The following SMPD3 variants were observed in gnomAD, a reference collection of about 807,000 sequenced individuals.
SMPD3 encodes the protein sphingomyelin phosphodiesterase 3, also known as nSMase-2.
SMPD3 carries 21 observed loss-of-function variants against 55.7 expected under a neutral mutation model. The observed-to-expected ratio is 0.38, with a 90% CI of 0.27 to 0.54. The LOEUF is 0.54. Ranked by LOEUF, SMPD3 falls within the 20% of genes least tolerant of loss-of-function variation. The pLI, the probability that SMPD3 is intolerant of heterozygous loss-of-function variation, is 0.80. For synonymous variants in SMPD3, 457 were observed against 404.3 expected (o/e 1.13, Z -1.56); for missense variants, 842 against 899.6 (o/e 0.94, Z 0.82).
chr16:68,440,932 C>T (rs980901653), intron 1 of SMPD3, among the ~76,000 whole-genome samples: 4 of 152,234 alleles, frequency 2.6e-5, no homozygotes, highest in Non-Finnish European at 5.9e-5. Context: ...TTTGTTTATT[C>T]ATTGTATGCT....
intron 3 of SMPD3, chr16:68,369,435 T>C (rs888907471): frequency 3.3e-5 from 4 of 122,782 alleles, no homozygotes; most frequent in Non-Finnish European, 6.5e-5. Context: ...GATTGATCTG[T>C]GCAGAAGTGG....
chr16:68,432,679 G>T (rs1225152822), intron 1 of SMPD3, among the ~76,000 whole-genome samples: 1 of 152,202 alleles, frequency 6.6e-6, no homozygotes, highest in Non-Finnish European at 1.5e-5. Context: ...AAATCTCAGT[G>T]GGGGTGCAGA....
At position 68,358,862 on chromosome 16, in the gene SMPD3, G is replaced by C. The variant is rs553357082; in HGVS notation, c.*2344C>G. 6.7e-4 allele frequency: 103 copies of C among 152,644 alleles called. No individual in the cohort carries two copies. The highest frequency in any genetic ancestry group is 5.4e-4 in the Non-Finnish European group (37 of 68,054). 9.5% of individuals were successfully genotyped at this position (152,644 alleles called of 1,614,324 possible). A position where few individuals can be genotyped will look rare whatever the true frequency, so the allele number is the denominator to read the frequency against. ...AAAAATCAGTGGAAGGGCCTGGCCTGCACACAAGGCCCGGGAGTCCATAGG... is the reference window on the plus strand; with the variant it reads ...AAAAATCAGTGGAAGGGCCTGGCCTCCACACAAGGCCCGGGAGTCCATAGG... On this transcript the variant is annotated 3_prime_UTR_variant, in exon 9 of 9. Transcript: ENST00000219334.
chr16:68,412,960 C>T (rs1370600360), intron 1 of SMPD3, among the ~76,000 whole-genome samples: 1 of 152,206 alleles, frequency 6.6e-6, no homozygotes, highest in African/African-American at 2.4e-5. Context: ...CCTAACAATC[C>T]TACAAGTAAC....
chr16:68,415,105 A>C (rs1003380252), intron 1 of SMPD3, among the ~76,000 whole-genome samples: 4 of 152,168 alleles, frequency 2.6e-5, no homozygotes, highest in African/African-American at 9.7e-5. Flanking sequence ...TGGGCCATAA[A>C]CTGTGCCATT....
At chr16:68,443,598 C>T (rs780083095) in intron 1 of SMPD3, among the ~76,000 whole-genome samples, 3 of 152,096 alleles carry the variant, frequency 2.0e-5, no homozygotes, top group Non-Finnish European at 2.9e-5. Flanking sequence ...GGAAAGAAAC[C>T]CCTGGGCTAC....
intron 1 of SMPD3, among the ~76,000 whole-genome samples, chr16:68,430,465 G>A (rs1230812814): frequency 6.6e-6 from 1 of 152,190 alleles, no homozygotes; most frequent in Non-Finnish European, 1.5e-5. Flanking sequence ...GGCTGAGCAT[G>A]ACAGCTATTT....
Position 68,361,650 on chromosome 16 carries a change from C to G in SMPD3, c.1819G>C (p.Asp607His), listed in dbSNP as rs146233675. Residue 607 changes from aspartate (D) to histidine (H), a missense_variant, in exon 8 of 9, where the codon GAC (aspartate) becomes CAC (histidine). Physicochemically the swap from Asp to His is moderately conservative, Grantham distance 81. Transcript: ENST00000219334. Reference protein sequence around the residue: ...ELLKGNGRRIDYMLHAEEGLC... With the variant: ...ELLKGNGRRIHYMLHAEEGLC... Reference sequence around the variant, plus strand: ...CCCTCCTCTGCATGCAGCATGTAGTCGATGCGCCGGCCGTTGCCCTTCAGC... The same window carrying G: ...CCCTCCTCTGCATGCAGCATGTAGTGGATGCGCCGGCCGTTGCCCTTCAGC... 1 of 1,611,616 alleles carries G rather than the reference C, an allele frequency of 6.2e-7. No individual in the cohort carries two copies. The highest frequency in any genetic ancestry group is 1.3e-5 in the African/African-American group (1 of 74,916).
At chr16:68,398,675 T>G (rs1020851373) in intron 1 of SMPD3, among the ~76,000 whole-genome samples, 1 of 152,236 alleles carries the variant, frequency 6.6e-6, no homozygotes, top group East Asian at 1.9e-4. Flanking sequence ...TCAAAGTTGG[T>G]TTTTGGTTTG....
Position 68,427,414 on chromosome 16 carries a change from A to G in SMPD3, c.-269+20939T>C, listed in dbSNP as rs17688779. ...GAATAATGAATGCATCTAGTGAAAG[A>G]ATTGGGACCCTAAGACATCTGGAGG... On this transcript the variant is annotated intron_variant, in intron 1 of 8. Coordinates refer to ENST00000219334, the MANE Select transcript of SMPD3 (RefSeq NM_018667.4). Among the ~76,000 whole-genome samples the G allele has an allele frequency of 5.5e-3, 836 of 152,282 alleles. 6 individuals carry two copies. Among genetic ancestry groups the G allele is most frequent in the Non-Finnish European group, 9.3e-3 (633 of 68,018 alleles).
At position 68,371,864 on chromosome 16, in the gene SMPD3, G is replaced by A. The variant is rs768055037; in HGVS notation, c.318C>T (p.Ala106=). 2.4e-5 allele frequency: 38 copies of A among 1,606,728 alleles called. No individual in the cohort carries two copies. The highest frequency in any genetic ancestry group is 1.6e-4 in the Middle Eastern group (1 of 6,072). The part of the protein sequence containing the change: ...IYSRLEDKGL[A]GGAALLSEWK... ...ATTCACTGAGCAGGGCTGCCCCACC[G>A]GCCAGGCCCTTGTCTTCCAGCCGTG... The change falls in exon 3 of 9, where the codon GCC becomes GCT. Residue 106 remains alanine (A), a synonymous_variant. Coordinates refer to ENST00000219334, the MANE Select transcript of SMPD3 (RefSeq NM_018667.4).
intron 1 of SMPD3, among the ~76,000 whole-genome samples, chr16:68,441,284 G>A (rs988114760): frequency 1.3e-5 from 2 of 152,170 alleles, no homozygotes; most frequent in Non-Finnish European, 2.9e-5. Context: ...AGTTTATGCA[G>A]CCCAAATAGC....
At chr16:68,437,442 T>G (rs1321754960) in intron 1 of SMPD3, among the ~76,000 whole-genome samples, 1 of 152,254 alleles carries the variant, frequency 6.6e-6, no homozygotes, top group Non-Finnish European at 1.5e-5. Context: ...CATTTCCAAG[T>G]GTTTGTCATT....
chr16:68,414,440 G>C (rs527873648), intron 1 of SMPD3, among the ~76,000 whole-genome samples: 1 of 152,244 alleles, frequency 6.6e-6, no homozygotes, highest in Non-Finnish European at 1.5e-5. Context: ...GGCTCAGCCT[G>C]GTCTCTCCCA....
chr16:68,361,712 G>T lies in SMPD3; in HGVS notation c.1757C>A (p.Thr586Asn). The change falls in exon 8 of 9, where the codon ACC (threonine) becomes AAC (asparagine). Residue 586 changes from threonine (T) to asparagine (N), a missense_variant. Thr to Asn is a moderately conservative substitution (Grantham distance 65, BLOSUM62 0). Transcript: ENST00000219334. ...CCCCTTCTGGCCCGAGCTCTTGCTG[G>T]TGGGAAACGCCAGGTACTCCCTGCG... ...EGRREYLAFP[T>N]SKSSGQKGRK... is the part of the protein sequence containing the mutation. 4 of 1,613,100 alleles carry T rather than the reference G, an allele frequency of 2.5e-6. No homozygotes were observed. The highest frequency in any genetic ancestry group is 3.4e-6 in the Non-Finnish European group (4 of 1,179,968).
chr16:68,361,711 G>A lies in SMPD3; in HGVS notation c.1758C>T (p.Thr586=). 6.2e-7 allele frequency: 1 copy of A among 1,613,098 alleles called. No individual in the cohort carries two copies. Among genetic ancestry groups the A allele is most frequent in the Non-Finnish European group, 8.5e-7 (1 of 1,179,972 alleles). The change falls in exon 8 of 9, where the codon ACC becomes ACT. Residue 586 remains threonine, a synonymous_variant. Coordinates refer to ENST00000219334, the MANE Select transcript of SMPD3 (RefSeq NM_018667.4). ...EGRREYLAFP[T]SKSSGQKGRK... ...GCCCCTTCTGGCCCGAGCTCTTGCT[G>A]GTGGGAAACGCCAGGTACTCCCTGC...
chr16:68,371,236 C>T lies in SMPD3; in HGVS notation c.946G>A (p.Glu316Lys). 1 of 1,606,498 alleles carries T rather than the reference C, an allele frequency of 6.2e-7. No individual in the cohort carries two copies. Among genetic ancestry groups the T allele is most frequent in the Non-Finnish European group, 8.5e-7 (1 of 1,177,242 alleles). ...RAGPDTSASG[E>K]PGANSKLLYK... ...AGGAGCTTGCTGTTGGCACCTGGCT[C>T]CCCGCTGGCACTGGTGTCTGGCCCA... Residue 316 changes from glutamate to lysine, a missense_variant, in exon 3 of 9, where the codon GAG becomes AAG. Physicochemically the swap from Glu to Lys is moderately conservative, Grantham distance 56 (BLOSUM62 1). This residue lies in a region of SMPD3 where 649 missense variants were observed against 643.6 expected (regional missense o/e 1.01). Coordinates refer to ENST00000219334, the MANE Select transcript of SMPD3 (RefSeq NM_018667.4).
chr16:68,383,842 C>G (rs771160368), intron 2 of SMPD3, among the ~76,000 whole-genome samples: 1 of 152,156 alleles, frequency 6.6e-6, no homozygotes, highest in Non-Finnish European at 1.5e-5. Context: ...GGGCCCTGGA[C>G]CTCTTCCATA....
intron 2 of SMPD3, among the ~76,000 whole-genome samples, chr16:68,383,633 G>A (rs772335106): frequency 2.0e-5 from 3 of 152,114 alleles, no homozygotes; most frequent in Non-Finnish European, 2.9e-5. Flanking sequence ...CTTCCTAGGG[G>A]CTGGACTTTC....
Sources: allele counts gnomAD v4.1 joint callset (sites outside exome capture counted in the v4.1 genomes callset), GRCh38; gene constraint gnomAD v4.1.1; regional missense constraint gnomAD v4.1.1; transcripts MANE v1.5; gene names NCBI Gene and HGNC (gene_info 2026-07-23, HGNC 2026-07-21).